DNAJC7: variants seen among roughly 807,000 people sequenced by gnomAD.
DNAJC7 encodes dnaJ homolog subfamily C member 7.
Under a neutral mutation model 67.4 loss-of-function variants are expected in DNAJC7, and 18 were observed. The observed-to-expected ratio is 0.27, with a 90% confidence interval of 0.18 to 0.40. The LOEUF (loss-of-function observed/expected upper bound fraction) is 0.40. Among genes scored for constraint, DNAJC7 ranks in the 10% least tolerant of loss-of-function variants. The pLI is 1.00. For synonymous variants in DNAJC7, 220 were observed against 207.8 expected (o/e 1.06, Z -0.50); for missense variants, 419 against 613.8 (o/e 0.68, Z 3.35).
chr17:41,985,724 G>A (rs1302942756), intron 9 of DNAJC7: 1 of 152,176 alleles, frequency 6.6e-6, no homozygotes, highest in Non-Finnish European at 1.5e-5. Flanking sequence ...GGTAAGTTGA[G>A]GCAGACTGCA....
At chr17:41,983,511 T>G in intron 10 of DNAJC7, 52 bp downstream of exon 10, 2 of 1,468,458 alleles carry the variant, frequency 1.4e-6, no homozygotes, top group Non-Finnish European at 1.9e-6. Flanking sequence ...TACAGATTTA[T>G]GGCCTACGAA....
intron 1 of DNAJC7, among the ~76,000 whole-genome samples, chr17:42,001,862 C>T (rs2051816205): frequency 6.6e-6 from 1 of 152,160 alleles, no homozygotes; most frequent in Admixed American, 6.6e-5. Flanking sequence ...TCCTGGCAAG[C>T]CCTACTAATA....
At position 41,976,528 on chromosome 17, in the gene DNAJC7, C is replaced by T. The variant is rs1434913561; in HGVS notation, c.*205G>A. 2.3e-5 allele frequency: 13 copies of T among 561,148 alleles called. No individual in the cohort carries two copies. The highest frequency in any genetic ancestry group is 2.0e-4 in the African/African-American group (10 of 50,290). The allele number at this position is 561,148 out of a possible 1,614,324, so 34.8% of individuals were successfully genotyped here. A position where few individuals can be genotyped will look rare whatever the true frequency, so the allele number is the denominator to read the frequency against. On this transcript the variant is annotated 3_prime_UTR_variant, in exon 14 of 14. Coordinates refer to ENST00000457167, the MANE Select transcript of DNAJC7 (RefSeq NM_003315.4). ...AATTCACAAGCTGCCTCCCTGTCCA[C>T]CCCCGCCTCCCTCCCCTGCCCTCGG...
chr17:41,997,374 GGTCAGGAGTTCAAGACCAGCCTA>G, intron 2 of DNAJC7, 135 bp from the exon 3 acceptor site: 1 of 1,091,280 alleles, frequency 9.2e-7, no homozygotes, highest in Middle Eastern at 3.0e-4. Flanking sequence ...GACCACTTGA[GGTCAGGAGTTCAAGACCAGCCTA>G]GTCAACATGG....
intron 1 of DNAJC7, chr17:42,012,881 G>C (rs558761693): frequency 4.6e-5 from 7 of 152,202 alleles, no homozygotes; most frequent in African/African-American, 1.2e-4. Flanking sequence ...CTGCAGCCTC[G>C]ACCTCCCCCA....
chr17:41,993,742 T>C (rs1303456257), intron 5 of DNAJC7, among the ~76,000 whole-genome samples: 1 of 151,726 alleles, frequency 6.6e-6, no homozygotes, highest in Non-Finnish European at 1.5e-5. Flanking sequence ...TCTAGAAAGA[T>C]ATCTAGAACT....
chr17:41,980,919 G>A (rs2051232629), intron 12 of DNAJC7, among the ~76,000 whole-genome samples: 1 of 152,118 alleles, frequency 6.6e-6, no homozygotes, highest in Non-Finnish European at 1.5e-5. Context: ...CAGCCCTTAT[G>A]GCCTGTGAGC....
chr17:42,013,434 C>T (rs182124198), intron 1 of DNAJC7: 1 of 152,310 alleles, frequency 6.6e-6, no homozygotes, highest in East Asian at 1.9e-4. Flanking sequence ...ACTGTGACAA[C>T]TTAGCAGCAG....
Position 41,987,899 on chromosome 17 carries a change from T to C in DNAJC7, c.930A>G (p.Leu310=). The part of the protein sequence containing the change: ...RGTVNSKLRK[L]DDAIEDCTNA... The stretch of plus-strand genomic sequence containing the variant: ...TTGTGCAGTCTTCTATTGCATCATC[T>C]AGTTTCCTAAGCTTCAGGAGAGAGA... The change falls in exon 9 of 14, where the codon CTA becomes CTG. Residue 310 remains leucine (L), a synonymous_variant. Coordinates refer to ENST00000457167, the MANE Select transcript of DNAJC7 (RefSeq NM_003315.4). 1 of 1,610,888 alleles carries C rather than the reference T, an allele frequency of 6.2e-7. No individual in the cohort carries two copies. Among genetic ancestry groups the C allele is most frequent in the Non-Finnish European group, 8.5e-7 (1 of 1,178,618 alleles).
At chr17:41,990,213 TC>T (rs1196891686) in intron 6 of DNAJC7, 50 bp downstream of exon 6, 1 of 1,515,060 alleles carries the variant, frequency 6.6e-7, no homozygotes, top group Non-Finnish European at 9.0e-7. Context: ...CCGGACACCA[TC>T]AGTCCAATGG....
At chr17:41,986,525 CCCG>C (rs2051384599) in intron 9 of DNAJC7, among the ~76,000 whole-genome samples, 2 of 151,126 alleles carry the variant, frequency 1.3e-5, no homozygotes, top group African/African-American at 4.9e-5. Context: ...TGATTCTCCC[CCCG>C]CCTTTTTTTT....
Position 41,983,649 on chromosome 17 carries a change from T to G in DNAJC7, c.1011-13A>C, listed in dbSNP as rs1482059662. ...TGTGTCCATGTAACTGAGAAGGAAA[T>G]ACAAGGCAATACAGCACTAAGACAT... On this transcript the variant is annotated splice_polypyrimidine_tract_variant and intron_variant, in intron 9 of 13. Transcript: ENST00000457167. 1 of 1,592,990 alleles carries G rather than the reference T, an allele frequency of 6.3e-7. No individual in the cohort carries two copies. Among genetic ancestry groups the G allele is most frequent in the Non-Finnish European group, 8.6e-7 (1 of 1,168,282 alleles).
At chr17:41,979,534 TG>T (rs1567952947) in intron 12 of DNAJC7, among the ~76,000 whole-genome samples, 1 of 148,176 alleles carries the variant, frequency 6.7e-6, no homozygotes, top group African/African-American at 2.5e-5. Context: ...TAGCTAGGCA[TG>T]GGGGTGGATG....
intron 1 of DNAJC7, chr17:42,016,788 C>G (rs1207784796): frequency 3.9e-6 from 1 of 253,474 alleles, no homozygotes; most frequent in Non-Finnish European, 6.8e-6. Flanking sequence ...CTCGCTCTTC[C>G]TTTTTTTCTC....
chr17:41,984,019 T>C (rs1442227830), intron 9 of DNAJC7, among the ~76,000 whole-genome samples: 2 of 152,132 alleles, frequency 1.3e-5, no homozygotes, highest in Non-Finnish European at 1.5e-5. Context: ...AGTGAATAAA[T>C]GGGTATGAAA....
Position 41,976,480 on chromosome 17 carries a change from ATAAAGT to A in DNAJC7, c.*247_*252del, listed in dbSNP as rs782692190. ...TATTCTCTTTTTTTTTTCTTTTTTA[ATAAAGT>A]TAAACAGTAAAACAAAAATTCACAA... On this transcript the variant is annotated 3_prime_UTR_variant, in exon 14 of 14. Coordinates refer to ENST00000457167, the MANE Select transcript of DNAJC7 (RefSeq NM_003315.4). 1.1e-3 allele frequency: 540 copies of A among 471,644 alleles called. 1 individual carries two copies. Among genetic ancestry groups the A allele is most frequent in the Non-Finnish European group, 1.6e-3 (434 of 271,036 alleles). The allele number at this position is 471,644 out of a possible 1,614,324, so 29.2% of individuals were successfully genotyped here. A position where few individuals can be genotyped will look rare whatever the true frequency, so the allele number is the denominator to read the frequency against.
rs191834372 is a variant in DNAJC7, at chr17:41,988,903, A to G, written c.754-7T>C. 21 of 1,612,910 alleles carry G rather than the reference A, an allele frequency of 1.3e-5. No individual in the cohort carries two copies. Among genetic ancestry groups the G allele is most frequent in the Admixed American group, 3.3e-5 (2 of 59,784 alleles). On this transcript the variant is annotated splice_region_variant and splice_polypyrimidine_tract_variant and intron_variant, in intron 7 of 13. Coordinates refer to ENST00000457167, the MANE Select transcript of DNAJC7 (RefSeq NM_003315.4). Reference sequence around the variant, plus strand: ...CTTTGAGTGCTTTGGCATTCTACAGAAAAAAGCAAGGGGAGGATCGGTTCA... The same window carrying G: ...CTTTGAGTGCTTTGGCATTCTACAGGAAAAAGCAAGGGGAGGATCGGTTCA...
rs68006925 is a variant in DNAJC7, at chr17:41,994,519, C to CAA, written c.480+349_480+350dup. Among the ~76,000 whole-genome samples the CAA allele has an allele frequency of 1.9e-3, 73 of 37,840 alleles. 1 individual carries two copies. Among genetic ancestry groups the CAA allele is most frequent in the African/African-American group, 2.7e-3 (34 of 12,802 alleles). 24.8% of individuals were successfully genotyped at this position (37,840 alleles called of 152,430 possible). ...TGGGTGACAGAGTGAGACTAGGCCT[C>CAA]AAAAAAAAAAAAAAAAAAAAAAAAA... On this transcript the variant is annotated intron_variant, in intron 5 of 13. Coordinates refer to ENST00000457167, the MANE Select transcript of DNAJC7 (RefSeq NM_003315.4).
chr17:41,990,324 A>G lies in DNAJC7; in HGVS notation c.539T>C (p.Ile180Thr). The change falls in exon 6 of 14, where the codon ATC (isoleucine) becomes ACC (threonine). Residue 180 changes from isoleucine to threonine, a missense_variant. This residue lies in a region of DNAJC7 where 179 missense variants were observed against 249.7 expected (regional missense o/e 0.72). Transcript: ENST00000457167. Reference protein sequence around the residue: ...EFAPACHRFKILKAECLAMLG... With the variant: ...EFAPACHRFKTLKAECLAMLG... ...CATTGCTAAACATTCTGCCTTGAGG[A>G]TTTTGAAGCGATGGCAGGCAGGGGC... 2.5e-6 allele frequency: 4 copies of G among 1,612,064 alleles called. No individual in the cohort carries two copies. The highest frequency in any genetic ancestry group is 3.4e-6 in the Non-Finnish European group (4 of 1,179,146).
Sources: gnomAD v4.1 joint callset for allele counts (sites outside exome capture counted in the v4.1 genomes callset) on GRCh38, gnomAD v4.1.1 for gene constraint, gnomAD v4.1.1 regional missense constraint, MANE v1.5 for transcripts, NCBI Gene and HGNC (gene_info 2026-07-23, HGNC 2026-07-21) for gene names.